ZNF891: variants seen among roughly 807,000 people sequenced by gnomAD.
ZNF891 encodes zinc finger protein 891.
For missense variants in ZNF891, 589 were observed against 632.7 expected (o/e 0.93, Z 0.74); for synonymous variants, 199 against 209.0 (o/e 0.95, Z 0.41).
In ZNF891 at chr12:133,105,432, G is replaced by C. The variant is rs928731179; in HGVS notation, c.*14852C>G. The C allele has an allele frequency of 1.8e-5, 25 of 1,410,064 alleles. No homozygotes were observed. In the African/African-American group the frequency reaches 3.3e-4, roughly 19 times the overall value. The allele number at this position is 1,410,064 out of a possible 1,614,324, so 87.3% of individuals were successfully genotyped here. On this transcript the variant is annotated 3_prime_UTR_variant, in exon 2 of 2. Transcript: ENST00000537226. ...AGATTTTTTGAAACTTCATTCTGTT[G>C]CTAAAGAAGGGAGAAATGGCCTTAT...
In ZNF891 at chr12:133,107,414, T is replaced by G; in HGVS notation, c.*12870A>C. On this transcript the variant is annotated 3_prime_UTR_variant, in exon 2 of 2. Transcript: ENST00000537226. ...TCAGAAAATGTTATAAATAAATCTTTTGGTTTATTATAAACCTTCTGCTTG... is the reference window on the plus strand; with the variant it reads ...TCAGAAAATGTTATAAATAAATCTTGTGGTTTATTATAAACCTTCTGCTTG... The G allele has an allele frequency of 6.8e-6, 1 of 148,110 alleles. No individual in the cohort carries two copies. The highest frequency in any genetic ancestry group is 1.5e-5 in the Non-Finnish European group (1 of 67,998). The allele number at this position is 148,110 out of a possible 1,614,324, so 9.2% of individuals were successfully genotyped here. A position where few individuals can be genotyped will look rare whatever the true frequency, so the allele number is the denominator to read the frequency against.
At chr12:133,126,586 G>C (rs1267432569) in intron 1 of ZNF891, among the ~76,000 whole-genome samples, 2 of 148,664 alleles carry the variant, frequency 1.3e-5, no homozygotes, top group Non-Finnish European at 3.0e-5. Context: ...CGAGGTAGGC[G>C]AATCACTTCA....
chr12:133,126,476 A>C (rs1304744764), intron 1 of ZNF891, among the ~76,000 whole-genome samples: 1 of 142,790 alleles, frequency 7.0e-6, no homozygotes, highest in East Asian at 2.0e-4. Context: ...TCCGTCTCAA[A>C]AAAAAAAAAA....
rs1258381214 is a variant in ZNF891, at chr12:133,106,883, T to C, written c.*13401A>G. ...CAATAACAAGGTGAAATCAATATTG[T>C]TGAGAAGATTCTTCCATCTGGTAAT... is the stretch of plus-strand genomic sequence containing the variant. On this transcript the variant is annotated 3_prime_UTR_variant, in exon 2 of 2. Coordinates refer to ENST00000537226, the MANE Select transcript of ZNF891 (RefSeq NM_001277291.2). 10 of 357,034 alleles carry C rather than the reference T, an allele frequency of 2.8e-5. No homozygotes were observed. The highest frequency in any genetic ancestry group is 4.3e-5 in the Admixed American group (1 of 23,102). 22.1% of individuals were successfully genotyped at this position (357,034 alleles called of 1,614,324 possible).
In ZNF891 at chr12:133,109,895, C is replaced by G. The variant is rs886131374; in HGVS notation, c.*10389G>C. On this transcript the variant is annotated 3_prime_UTR_variant, in exon 2 of 2. Transcript: ENST00000537226. ...AGCTGCTTAGAAAAATAAGAATATGCAACAGTTACCATATATGGCCTGCAA... is the reference window on the plus strand; with the variant it reads ...AGCTGCTTAGAAAAATAAGAATATGGAACAGTTACCATATATGGCCTGCAA... 8 of 151,982 alleles carry G rather than the reference C, an allele frequency of 5.3e-5. No individual in the cohort carries two copies. The highest frequency in any genetic ancestry group is 1.0e-4 in the Non-Finnish European group (7 of 68,022). The allele number at this position is 151,982 out of a possible 1,614,324, so 9.4% of individuals were successfully genotyped here.
rs1955651263 is a variant in ZNF891 at position 133,108,080 on chromosome 12, A to T, written c.*12204T>A. ...ATGCCATATTGGTACATACATTTAG[A>T]AGCTTCTCAAGTTTCCATAAGAGTT... On this transcript the variant is annotated 3_prime_UTR_variant, in exon 2 of 2. Coordinates refer to ENST00000537226, the MANE Select transcript of ZNF891 (RefSeq NM_001277291.2). The T allele has an allele frequency of 6.6e-6, 1 of 152,166 alleles. No homozygotes were observed. The highest frequency in any genetic ancestry group is 2.4e-5 in the African/African-American group (1 of 41,432). The allele number at this position is 152,166 out of a possible 1,614,324, so 9.4% of individuals were successfully genotyped here.
rs1955658766 is a variant in ZNF891 at position 133,108,823 on chromosome 12, T to C, written c.*11461A>G. ...GAAAAAGCAACTGTATAAATGAATG[T>C]AGAGTGAATTTCTGCAATATTTCAA... On this transcript the variant is annotated 3_prime_UTR_variant, in exon 2 of 2. Coordinates refer to ENST00000537226, the MANE Select transcript of ZNF891 (RefSeq NM_001277291.2). The C allele has an allele frequency of 6.6e-6, 1 of 152,236 alleles. No individual in the cohort carries two copies. The highest frequency in any genetic ancestry group is 1.5e-5 in the Non-Finnish European group (1 of 68,034). 9.4% of individuals were successfully genotyped at this position (152,236 alleles called of 1,614,324 possible).
chr12:133,130,037 C>G (rs1257127072), intron 1 of ZNF891, among the ~76,000 whole-genome samples, 190 bp downstream of exon 1: 1 of 152,026 alleles, frequency 6.6e-6, no homozygotes, highest in Admixed American at 6.5e-5. Context: ...ACTCGCTCCC[C>G]GCGCTCCACT....
rs1472199448 is a variant in ZNF891, at chr12:133,112,084, T to A, written c.*8200A>T. 1.3e-5 allele frequency: 2 copies of A among 152,254 alleles called. No homozygotes were observed. The highest frequency in any genetic ancestry group is 2.9e-5 in the Non-Finnish European group (2 of 68,038). The allele number at this position is 152,254 out of a possible 1,614,324, so 9.4% of individuals were successfully genotyped here. A position where few individuals can be genotyped will look rare whatever the true frequency, so the allele number is the denominator to read the frequency against. On this transcript the variant is annotated 3_prime_UTR_variant, in exon 2 of 2. Coordinates refer to ENST00000537226, the MANE Select transcript of ZNF891 (RefSeq NM_001277291.2). ...AGGTCTTTATCTGGCCCCTGCCTCC[T>A]TTCAATCTGGTTTCACATACTCTTC...
chr12:133,129,249 C>G (rs1214357575), intron 1 of ZNF891, among the ~76,000 whole-genome samples: 1 of 152,128 alleles, frequency 6.6e-6, no homozygotes, highest in Admixed American at 6.5e-5. Context: ...CGCTTGTAAT[C>G]TCAGCGCTTT....
rs1401860582 is a variant in ZNF891 at position 133,116,615 on chromosome 12, CT to C, written c.*3668del. ...ATTTTGTTTTCACTGGTCATAGCCC[CT>C]GATCTGGTCTTTTTTCCTCTATCAA... On this transcript the variant is annotated 3_prime_UTR_variant, in exon 2 of 2. Transcript: ENST00000537226. The C allele has an allele frequency of 4.6e-5, 7 of 151,970 alleles. No individual in the cohort carries two copies. In the South Asian group the frequency reaches 1.0e-3, roughly 23 times the overall value. 9.4% of individuals were successfully genotyped at this position (151,970 alleles called of 1,614,324 possible).
rs1955748470 is a variant in ZNF891, at chr12:133,120,756, T to C, written c.1163A>G (p.Lys388Arg). ...CNQCGKAFSQ[K>R]TSLKAHMRTH... Reference sequence around the variant, plus strand: ...TCTCATGTGAGCCTTAAGGGATGTTTTTTGACTGAAAGCTTTTCCACATTG... The same window carrying C: ...TCTCATGTGAGCCTTAAGGGATGTTCTTTGACTGAAAGCTTTTCCACATTG... Residue 388 changes from lysine to arginine, a missense_variant, in exon 2 of 2, where the codon AAA becomes AGA. Coordinates refer to ENST00000537226, the MANE Select transcript of ZNF891 (RefSeq NM_001277291.2). The C allele has an allele frequency of 2.6e-6, 4 of 1,566,426 alleles. No homozygotes were observed. The highest frequency in any genetic ancestry group is 1.9e-5 in the Admixed American group (1 of 52,864).
rs117621547 is a variant in ZNF891, at chr12:133,121,952, A to G, written c.-34T>C. 5,323 of 1,484,262 alleles carry G rather than the reference A, an allele frequency of 3.6e-3. 233 individuals carry two copies. The highest frequency in any genetic ancestry group is 8.8e-4 in the Middle Eastern group (5 of 5,684). The allele number at this position is 1,484,262 out of a possible 1,614,324, so 91.9% of individuals were successfully genotyped here. A position where few individuals can be genotyped will look rare whatever the true frequency, so the allele number is the denominator to read the frequency against. On this transcript the variant is annotated 5_prime_UTR_variant, in exon 2 of 2. Transcript: ENST00000537226. ...TACATAAGCCTGCACAGTAGAGTAG[A>G]GAGATCAGGATGTTTCTGTTCTTGT...
rs1955653458 is a variant in ZNF891, at chr12:133,108,277, T to C, written c.*12007A>G. 1 of 151,010 alleles carries C rather than the reference T, an allele frequency of 6.6e-6. No individual in the cohort carries two copies. Among genetic ancestry groups the C allele is most frequent in the Non-Finnish European group, 1.5e-5 (1 of 67,956 alleles). The allele number at this position is 151,010 out of a possible 1,614,324, so 9.4% of individuals were successfully genotyped here. A position where few individuals can be genotyped will look rare whatever the true frequency, so the allele number is the denominator to read the frequency against. On this transcript the variant is annotated 3_prime_UTR_variant, in exon 2 of 2. Transcript: ENST00000537226. The stretch of plus-strand genomic sequence containing the variant: ...TGGTGTCCTCAAGCAGCATGCCTTA[T>C]TACATATGGGTATCTAGTATCTGAT...
At position 133,117,302 on chromosome 12, in the gene ZNF891, A is replaced by G. The variant is rs1292921877; in HGVS notation, c.*2982T>C. 6.6e-6 allele frequency: 1 copy of G among 152,234 alleles called. No individual in the cohort carries two copies. Among genetic ancestry groups the G allele is most frequent in the Non-Finnish European group, 1.5e-5 (1 of 68,034 alleles). 9.4% of individuals were successfully genotyped at this position (152,234 alleles called of 1,614,324 possible). A position where few individuals can be genotyped will look rare whatever the true frequency, so the allele number is the denominator to read the frequency against. On this transcript the variant is annotated 3_prime_UTR_variant, in exon 2 of 2. Coordinates refer to ENST00000537226, the MANE Select transcript of ZNF891 (RefSeq NM_001277291.2). ...AAGTAGTTTTGTAGCTAAATACAAT[A>G]CTACTGTTAGCAAAACTGAAGATCT...
rs1185668492 is a variant in ZNF891, at chr12:133,120,695, C to G, written c.1224G>C (p.Gln408His). Residue 408 changes from glutamine (Q) to histidine (H), a missense_variant, in exon 2 of 2, where the codon CAG (glutamine) becomes CAC (histidine). Transcript: ENST00000537226. ...AGCTTGTGCCAAAGGATTTTCCACA[C>G]TGATTACATTCATAAGGTTTCTCTC... ...HTGEKPYECN[Q>H]CGKSFGTSSY... is the part of the protein sequence containing the mutation. The G allele has an allele frequency of 6.1e-5, 95 of 1,561,174 alleles. No individual in the cohort carries two copies. The highest frequency in any genetic ancestry group is 8.1e-5 in the Non-Finnish European group (94 of 1,154,226).
rs1363337714 is a variant in ZNF891 at position 133,110,429 on chromosome 12, C to T, written c.*9855G>A. Reference sequence around the variant, plus strand: ...AAAGGTTATTAAAACTAATCTTCAGCATTGGAAAAAGAAGTTACTATGAAT... The same window carrying T: ...AAAGGTTATTAAAACTAATCTTCAGTATTGGAAAAAGAAGTTACTATGAAT... On this transcript the variant is annotated 3_prime_UTR_variant, in exon 2 of 2. Coordinates refer to ENST00000537226, the MANE Select transcript of ZNF891 (RefSeq NM_001277291.2). The T allele has an allele frequency of 6.6e-6, 1 of 152,128 alleles. No individual in the cohort carries two copies. The highest frequency in any genetic ancestry group is 1.5e-5 in the Non-Finnish European group (1 of 68,018). The allele number at this position is 152,128 out of a possible 1,614,324, so 9.4% of individuals were successfully genotyped here. A position where few individuals can be genotyped will look rare whatever the true frequency, so the allele number is the denominator to read the frequency against.
intron 1 of ZNF891, chr12:133,125,513 C>T (rs1172622308): frequency 5.9e-6 from 1 of 168,948 alleles, no homozygotes; most frequent in Admixed American, 6.2e-5. Context: ...ACTCCTGTCT[C>T]TCCTATGGCT....
In ZNF891 at chr12:133,121,776, A is replaced by G. The variant is rs2137620076; in HGVS notation, c.143T>C (p.Val48Ala). The change falls in exon 2 of 2, where the codon GTA (valine) becomes GCA (alanine). Residue 48 changes from valine to alanine, a missense_variant. By Grantham distance (64) the Val-to-Ala change is moderately conservative. Transcript: ENST00000537226. Reference sequence around the variant, plus strand: ...CTCCTCCTGAGTGAACTCCACAGCTACATCTTTGAAAGTCATTGGTTCCTG... The same window carrying G: ...CTCCTCCTGAGTGAACTCCACAGCTGCATCTTTGAAAGTCATTGGTTCCTG... ...WLQEPMTFKD[V>A]AVEFTQEEWM... 6.5e-7 allele frequency: 1 copy of G among 1,536,956 alleles called. No homozygotes were observed. Among genetic ancestry groups the G allele is most frequent in the Non-Finnish European group, 8.7e-7 (1 of 1,147,002 alleles).
Sources: gnomAD v4.1 joint callset for allele counts (sites outside exome capture counted in the v4.1 genomes callset) on GRCh38, gnomAD v4.1.1 for gene constraint, MANE v1.5 for transcripts, NCBI Gene and HGNC (gene_info 2026-07-23, HGNC 2026-07-21) for gene names.